YTHDF3: variants seen among roughly 807,000 people sequenced by gnomAD.
YTHDF3 encodes the protein YTH N6-methyladenosine RNA binding protein F3.
A neutral mutation model predicts 52.5 loss-of-function variants in YTHDF3; 9 were observed. That is an observed-to-expected ratio of 0.17 (90% confidence interval 0.10 to 0.30). The LOEUF (loss-of-function observed/expected upper bound fraction) is 0.30, where lower values mean the gene tolerates loss of function less well. YTHDF3 is among the 10% of genes least tolerant of loss of function. YTHDF3 has a pLI of 1.00. For synonymous variants in YTHDF3, 274 were observed against 243.3 expected (o/e 1.13, Z -1.18); for missense variants, 534 against 715.0 (o/e 0.75, Z 2.89).
At chr8:63,192,770 G>T (rs1380672641) in intron 4 of YTHDF3, among the ~76,000 whole-genome samples, 2 of 150,142 alleles carry the variant, frequency 1.3e-5, no homozygotes, top group Non-Finnish European at 3.0e-5. Context: ...TCATTGAAAA[G>T]AACAAATTAG....
chr8:63,194,276 G>A (rs1271115107), intron 4 of YTHDF3, among the ~76,000 whole-genome samples: 3 of 152,042 alleles, frequency 2.0e-5, no homozygotes, highest in Non-Finnish European at 4.4e-5. Flanking sequence ...CTGAGATCAG[G>A]AGTTTGAGAT....
intron 4 of YTHDF3, among the ~76,000 whole-genome samples, chr8:63,195,435 G>A (rs1809169993): frequency 6.6e-6 from 1 of 152,156 alleles, no homozygotes; most frequent in Admixed American, 6.5e-5. Context: ...AAAAATCTGA[G>A]TAACCAGATT....
At chr8:63,196,429 A>G (rs1295409199) in intron 4 of YTHDF3, among the ~76,000 whole-genome samples, 1 of 151,666 alleles carries the variant, frequency 6.6e-6, no homozygotes, top group South Asian at 2.1e-4. Flanking sequence ...AGGCGTGCTG[A>G]CAGGCACTTG....
In YTHDF3 at chr8:63,176,501, C is replaced by T. The variant is rs1440091284; in HGVS notation, c.135+1085C>T. Among the ~76,000 whole-genome samples the T allele has an allele frequency of 3.3e-5, 5 of 151,894 alleles. No individual in the cohort carries two copies. The East Asian group carries it at 7.8e-4, about 24-fold the overall frequency. ...TTCACCATGTTAGCCAGGATGGTCTCGATCTCCTGACCTCATGATCCGCCC... is the reference window on the plus strand; with the variant it reads ...TTCACCATGTTAGCCAGGATGGTCTTGATCTCCTGACCTCATGATCCGCCC... On this transcript the variant is annotated intron_variant, in intron 3 of 4. Coordinates refer to ENST00000539294, the MANE Select transcript of YTHDF3 (RefSeq NM_152758.6).
chr8:63,176,308 G>A (rs1473105675), intron 3 of YTHDF3, among the ~76,000 whole-genome samples: 1 of 152,174 alleles, frequency 6.6e-6, no homozygotes, highest in Non-Finnish European at 1.5e-5. Flanking sequence ...TTGAGACGGA[G>A]TCTCGCTCTG....
rs997721634 is a variant in YTHDF3, at chr8:63,190,614, C to T, written c.1734+2869C>T. On this transcript the variant is annotated intron_variant, in intron 4 of 4. Coordinates refer to ENST00000539294, the MANE Select transcript of YTHDF3 (RefSeq NM_152758.6). The stretch of plus-strand genomic sequence containing the variant: ...AGGTATAAACAGACCGCAGCCTACT[C>T]TTGTGCCAGTGACCAAATTTTGGCT... 5.3e-5 allele frequency among the ~76,000 whole-genome samples: 8 copies of T among 152,336 alleles called. No homozygotes were observed. In the East Asian group the frequency reaches 7.7e-4, roughly 15 times the overall value.
At position 63,187,692 on chromosome 8, in the gene YTHDF3, G is replaced by A. The variant is rs1161527430; in HGVS notation, c.1681G>A (p.Asp561Asn). The A allele has an allele frequency of 1.9e-6, 3 of 1,612,018 alleles. No individual in the cohort carries two copies. Among genetic ancestry groups the A allele is most frequent in the East Asian group, 2.2e-5 (1 of 44,868 alleles). The part of the protein sequence containing the change: ...ATFKHTTSIF[D>N]DFAHYEKRQE... Reference sequence around the variant, plus strand: ...TTTCAAGCATACCACCTCAATCTTTGATGACTTTGCACATTATGAAAAGCG... The same window carrying A: ...TTTCAAGCATACCACCTCAATCTTTAATGACTTTGCACATTATGAAAAGCG... The change falls in exon 4 of 5, where the codon GAT becomes AAT. Residue 561 changes from aspartate (D) to asparagine (N), a missense_variant. Coordinates refer to ENST00000539294, the MANE Select transcript of YTHDF3 (RefSeq NM_152758.6).
Position 63,187,240 on chromosome 8 carries a change from A to T in YTHDF3, c.1229A>T (p.Asp410Val). Reference protein sequence around the residue: ...AINNYNPKDFDWNLKNGRVFI... With the variant: ...AINNYNPKDFVWNLKNGRVFI... ...AACAACTATAATCCCAAAGACTTTG[A>T]TTGGAATCTGAAGAATGGACGTGTG... The change falls in exon 4 of 5, where the codon GAT becomes GTT. Residue 410 changes from aspartate (D) to valine (V), a missense_variant. Asp to Val is a radical substitution (Grantham distance 152, BLOSUM62 -3). Around this residue, in one of 3 missense-constraint regions of YTHDF3, gnomAD observed 203 missense variants for 201.3 expected, o/e 1.01. Coordinates refer to ENST00000539294, the MANE Select transcript of YTHDF3 (RefSeq NM_152758.6). The T allele has an allele frequency of 1.9e-6, 3 of 1,614,046 alleles. No homozygotes were observed. The highest frequency in any genetic ancestry group is 8.5e-7 in the Non-Finnish European group (1 of 1,179,892).
chr8:63,183,816 G>A (rs763640212), intron 3 of YTHDF3, among the ~76,000 whole-genome samples: 4 of 152,142 alleles, frequency 2.6e-5, no homozygotes, highest in African/African-American at 4.8e-5. Context: ...AAATACAGTC[G>A]TCTCAAGGTA....
At chr8:63,194,640 G>C (rs376649167) in intron 4 of YTHDF3, among the ~76,000 whole-genome samples, 2 of 152,108 alleles carry the variant, frequency 1.3e-5, no homozygotes, top group Non-Finnish European at 2.9e-5. Flanking sequence ...CTTTCCCCCA[G>C]AAAACTATAG....
At chr8:63,176,936 C>T (rs1021543623) in intron 3 of YTHDF3, among the ~76,000 whole-genome samples, 1 of 152,130 alleles carries the variant, frequency 6.6e-6, no homozygotes, top group African/African-American at 2.4e-5. Flanking sequence ...GCCTCAGCCT[C>T]CCAAAGTGCT....
chr8:63,180,248 A>C (rs1216031234), intron 3 of YTHDF3, among the ~76,000 whole-genome samples: 1 of 146,870 alleles, frequency 6.8e-6, no homozygotes, highest in African/African-American at 2.6e-5. Flanking sequence ...GGGTTTCCTC[A>C]CTTCTCAGAC....
intron 4 of YTHDF3, chr8:63,188,697 A>AT (rs1808702556): frequency 4.6e-4 from 29 of 63,554 alleles, no homozygotes; most frequent in African/African-American, 2.1e-3. Context: ...ATATATATAT[A>AT]TATATTTTTT....
At chr8:63,187,810 A>C in intron 4 of YTHDF3, 65 bp downstream of exon 4, 1 of 1,471,900 alleles carries the variant, frequency 6.8e-7, no homozygotes, top group East Asian at 2.4e-5. Context: ...GGATGGGTAT[A>C]TTCTGAGTTT....
At position 63,186,982 on chromosome 8, in the gene YTHDF3, A is replaced by C; in HGVS notation, c.971A>C (p.Gln324Pro). The C allele has an allele frequency of 1.2e-6, 2 of 1,613,618 alleles. No homozygotes were observed. The highest frequency in any genetic ancestry group is 1.7e-6 in the Non-Finnish European group (2 of 1,179,740). ...VQSQLPQQQP[Q>P]PPQPQQQQGP... ...AGCCAACTGCCTCAACAGCAGCCTC[A>C]ACCACCACAACCACAGCAGCAACAA... Residue 324 changes from glutamine (Q) to proline (P), a missense_variant, in exon 4 of 5, where the codon CAA becomes CCA. This residue lies in a region of YTHDF3 where 203 missense variants were observed against 201.3 expected (regional missense o/e 1.01). Coordinates refer to ENST00000539294, the MANE Select transcript of YTHDF3 (RefSeq NM_152758.6).
At position 63,187,034 on chromosome 8, in the gene YTHDF3, C is replaced by G; in HGVS notation, c.1023C>G (p.His341Gln). The stretch of plus-strand genomic sequence containing the variant: ...GACCTCAGCCACAGGCCCAGCCTCA[C>G]CAAGTGCAGCCTCAACAGCAGCAGC... ...QQGPQPQAQP[H>Q]QVQPQQQQLQ... The change falls in exon 4 of 5, where the codon CAC becomes CAG. Residue 341 changes from histidine to glutamine, a missense_variant. His to Gln is a conservative substitution (Grantham distance 24, BLOSUM62 0). Transcript: ENST00000539294. 1 of 1,613,640 alleles carries G rather than the reference C, an allele frequency of 6.2e-7. No homozygotes were observed. The highest frequency in any genetic ancestry group is 8.5e-7 in the Non-Finnish European group (1 of 1,179,704).
At position 63,168,685 on chromosome 8, in the gene YTHDF3, C is replaced by T; in HGVS notation, c.-193C>T. On this transcript the variant is annotated 5_prime_UTR_variant, in exon 1 of 5. Transcript: ENST00000539294. ...CAGAGAGCGAGAGGGGGAAGAGGAG[C>T]GTGCAAGCGGAAAAGACGGGCCTCT... The T allele has an allele frequency of 2.0e-6, 2 of 990,912 alleles. No homozygotes were observed. The highest frequency in any genetic ancestry group is 1.5e-5 in the South Asian group (1 of 66,072). 61.4% of individuals were successfully genotyped at this position (990,912 alleles called of 1,614,324 possible). A position where few individuals can be genotyped will look rare whatever the true frequency, so the allele number is the denominator to read the frequency against.
intron 4 of YTHDF3, among the ~76,000 whole-genome samples, chr8:63,190,206 G>C (rs976325620): frequency 6.6e-6 from 1 of 152,156 alleles, no homozygotes; most frequent in Non-Finnish European, 1.5e-5. Context: ...TAATAGCATG[G>C]AAGTGGGATG....
intron 4 of YTHDF3, among the ~76,000 whole-genome samples, chr8:63,206,351 C>T (rs1036459313): frequency 6.6e-6 from 1 of 152,180 alleles, no homozygotes; most frequent in South Asian, 2.1e-4. Context: ...GTGTGAGCCA[C>T]CGTGCCTGGC....
Sources: gnomAD v4.1 joint callset for allele counts (sites outside exome capture counted in the v4.1 genomes callset) on GRCh38, gnomAD v4.1.1 for gene constraint, gnomAD v4.1.1 regional missense constraint, MANE v1.5 for transcripts, NCBI Gene and HGNC (gene_info 2026-07-23, HGNC 2026-07-21) for gene names.